The following RASGRP3 variants were observed in gnomAD, a reference collection of about 807,000 sequenced individuals.
RASGRP3 encodes the protein RAS guanyl releasing protein 3, also known as ras guanyl-releasing protein 3.
Under a neutral mutation model 82.7 loss-of-function variants are expected in RASGRP3, and 54 were observed. The ratio of observed to expected loss-of-function variants is 0.65; its 90% CI spans 0.52 to 0.82. The LOEUF (loss-of-function observed/expected upper bound fraction) is 0.82. Ranked by LOEUF, RASGRP3 falls within the 40% of genes least tolerant of loss-of-function variation. RASGRP3 has a pLI of 0.00. For synonymous variants in RASGRP3, 309 were observed against 300.5 expected (o/e 1.03, Z -0.29); for missense variants, 861 against 828.9 (o/e 1.04, Z -0.48).
At chr2:33,472,896 G>A (rs1238010312), upstream of RASGRP3, among the ~76,000 whole-genome samples, 2 of 139,796 alleles carry the variant, frequency 1.4e-5, no homozygotes, top group African/African-American at 5.4e-5. Flanking sequence ...AAAGCAAAAA[G>A]TGTCGGTTGC....
intron 4 of RASGRP3, among the ~76,000 whole-genome samples, chr2:33,519,345 G>T (rs113732803): frequency 6.6e-6 from 1 of 152,136 alleles, no homozygotes; most frequent in Non-Finnish European, 1.5e-5. Context: ...GGCCAGGCGC[G>T]GTGGCTCACA....
At chr2:33,519,410 A>G (rs934853865) in intron 4 of RASGRP3, among the ~76,000 whole-genome samples, 2 of 152,124 alleles carry the variant, frequency 1.3e-5, no homozygotes, top group Non-Finnish European at 2.9e-5. Context: ...AGGTCAGGAG[A>G]TCAAGACCAT....
rs541199581 is a variant in RASGRP3 at position 33,510,532 on chromosome 2, G to A, written c.-260-1178G>A. On this transcript the variant is annotated intron_variant, in intron 1 of 17. Coordinates refer to ENST00000403687, the MANE Select transcript of RASGRP3 (RefSeq NM_001139488.2). ...TCCAGTGTCATCGTATTTTTTCTTC[G>A]AATATCTTTTCTCTTCTCTAAATGA... Among the ~76,000 whole-genome samples, 7 of 152,154 alleles carry A rather than the reference G, an allele frequency of 4.6e-5. No individual in the cohort carries two copies. In the South Asian group the frequency reaches 1.0e-3, roughly 23 times the overall value.
chr2:33,505,711 C>T (rs1169081394), intron 1 of RASGRP3, among the ~76,000 whole-genome samples: 1 of 152,178 alleles, frequency 6.6e-6, no homozygotes, highest in African/African-American at 2.4e-5. Context: ...TTTCCTAGTT[C>T]TGGGTCTTAA....
At chr2:33,472,084 A>T (rs1296331231), upstream of RASGRP3, among the ~76,000 whole-genome samples, 1 of 151,998 alleles carries the variant, frequency 6.6e-6, no homozygotes, top group Admixed American at 6.6e-5. Flanking sequence ...AACTTTTCTT[A>T]TATTTTTTTC....
intron 2 of RASGRP3, among the ~76,000 whole-genome samples, chr2:33,458,701 G>A (rs1477678549): frequency 2.0e-5 from 3 of 152,186 alleles, no homozygotes; most frequent in Non-Finnish European, 2.9e-5. Flanking sequence ...AGAAACAAGT[G>A]AGAAGGTAAC....
At chr2:33,513,888 C>G (rs1219034579) in intron 2 of RASGRP3, 1 of 152,162 alleles carries the variant, frequency 6.6e-6, no homozygotes, top group Non-Finnish European at 1.5e-5. Context: ...ACCCTTTACA[C>G]TAGATTAGCA....
chr2:33,473,577 C>T (rs558950317), upstream of RASGRP3, among the ~76,000 whole-genome samples: 6 of 152,226 alleles, frequency 3.9e-5, no homozygotes, highest in East Asian at 1.9e-4. Context: ...AGGAAGAGGG[C>T]ACCTCTTCTT....
chr2:33,462,012 C>A (rs1666394957), intron 2 of RASGRP3, among the ~76,000 whole-genome samples: 1 of 152,150 alleles, frequency 6.6e-6, no homozygotes, highest in South Asian at 2.1e-4. Flanking sequence ...GTTTGGATAA[C>A]CTGGTAATTA....
At chr2:33,490,548 G>A (rs746577736) in intron 1 of RASGRP3, among the ~76,000 whole-genome samples, 2 of 152,184 alleles carry the variant, frequency 1.3e-5, no homozygotes, top group Non-Finnish European at 2.9e-5. Flanking sequence ...TCATGGCACA[G>A]CGTGCTTTTA....
In RASGRP3 at chr2:33,470,674, C is replaced by T. The variant is rs568503131; in HGVS notation, c.-261+22731C>T. On this transcript the variant is annotated intron_variant, in intron 2 of 18. Coordinates refer to the RASGRP3 transcript ENST00000402538. ...GATTATGGGTGTGAGCCACCACGCCCGGCCAAGAATTATTTTCTATTATGT... is the reference window on the plus strand; with the variant it reads ...GATTATGGGTGTGAGCCACCACGCCTGGCCAAGAATTATTTTCTATTATGT... 1.8e-3 allele frequency among the ~76,000 whole-genome samples: 273 copies of T among 152,116 alleles called. 1 individual carries two copies. The highest frequency in any genetic ancestry group is 6.3e-3 in the African/African-American group (261 of 41,500).
Position 33,520,610 on chromosome 2 carries a change from G to A in RASGRP3, c.294G>A (p.Met98Ile). 1 of 1,613,974 alleles carries A rather than the reference G, an allele frequency of 6.2e-7. No homozygotes were observed. Among genetic ancestry groups the A allele is most frequent in the Non-Finnish European group, 8.5e-7 (1 of 1,179,868 alleles). ...ATTTGGATCTTGGTTTGATTCGTATGACTGAGGAATTTCGGGAAGTAGCTA... is the reference window on the plus strand; with the variant it reads ...ATTTGGATCTTGGTTTGATTCGTATAACTGAGGAATTTCGGGAAGTAGCTA... ...EFNLDLGLIR[M>I]TEEFREVASQ... Residue 98 changes from methionine to isoleucine, a missense_variant, in exon 6 of 18, where the codon ATG (methionine) becomes ATA (isoleucine). By Grantham distance (10) the Met-to-Ile change is conservative. Transcript: ENST00000403687.
At chr2:33,476,203 C>T, upstream of RASGRP3, 1 of 152,192 alleles carries the variant, frequency 6.6e-6, no homozygotes, top group East Asian at 1.9e-4. Context: ...AAAACGAAAC[C>T]AAACAGTTGT....
At chr2:33,512,083 A>T (rs1342677582) in intron 2 of RASGRP3, among the ~76,000 whole-genome samples, 1 of 152,236 alleles carries the variant, frequency 6.6e-6, no homozygotes, top group Non-Finnish European at 1.5e-5. Flanking sequence ...CACATAGGAA[A>T]TGAGATCTCA....
At chr2:33,462,813 C>T (rs1666456584) in intron 2 of RASGRP3, among the ~76,000 whole-genome samples, 1 of 152,208 alleles carries the variant, frequency 6.6e-6, no homozygotes, top group Non-Finnish European at 1.5e-5. Flanking sequence ...ATCCCTGAAT[C>T]AGCTTTGTAG....
intron 1 of RASGRP3, among the ~76,000 whole-genome samples, chr2:33,495,385 G>A (rs868578660): frequency 6.6e-6 from 1 of 152,100 alleles, no homozygotes; most frequent in Non-Finnish European, 1.5e-5. Context: ...TTCACAATAG[G>A]GTTTGTGGTC....
chr2:33,470,380 ATTT>A (rs34404371), intron 2 of RASGRP3, among the ~76,000 whole-genome samples: 1,599 of 132,232 alleles, frequency 0.012, 18 homozygotes, highest in Middle Eastern at 0.049. Flanking sequence ...ATAACTAAGA[ATTT>A]TTTTTTTTTT....
At chr2:33,460,570 A>C (rs1553335652) in intron 2 of RASGRP3, among the ~76,000 whole-genome samples, 1 of 150,828 alleles carries the variant, frequency 6.6e-6, no homozygotes, top group Non-Finnish European at 1.5e-5. Context: ...GCTGGAGTGC[A>C]ATGGCGCGAT....
intron 3 of RASGRP3, among the ~76,000 whole-genome samples, chr2:33,515,921 T>A (rs3856497): frequency 0.87 from 131,929 of 152,242 alleles, 57,263 homozygotes; most frequent in Admixed American, 0.9. Context: ...TTTCTGACAA[T>A]CATTTTTAGT....
Sources: allele counts gnomAD v4.1 joint callset (sites outside exome capture counted in the v4.1 genomes callset), GRCh38; gene constraint gnomAD v4.1.1; transcripts MANE v1.5; gene names NCBI Gene and HGNC (gene_info 2026-07-23, HGNC 2026-07-21).